Variants in LRGUK observed in about 807,000 individuals in gnomAD.
LRGUK encodes the protein leucine rich repeats and guanylate kinase domain containing.
LRGUK carries 65 observed loss-of-function variants against 76.0 expected under a neutral mutation model. That is an observed-to-expected ratio of 0.85 (90% CI 0.70 to 1.05). The LOEUF (loss-of-function observed/expected upper bound fraction) is 1.05, where lower values mean the gene tolerates loss of function less well. Among genes scored for constraint, LRGUK ranks in the 50% least tolerant of loss-of-function variants. The pLI, the probability that LRGUK is intolerant of heterozygous loss-of-function variation, is 0.00. For synonymous variants in LRGUK, 268 were observed against 265.6 expected (o/e 1.01, Z -0.09); for missense variants, 758 against 732.8 (o/e 1.03, Z -0.40).
intron 10 of LRGUK, 58 bp from the exon 11 acceptor site, chr7:134,183,676 G>GTTAA: frequency 6.2e-7 from 1 of 1,604,218 alleles, no homozygotes; most frequent in Admixed American, 1.7e-5. Context: ...AATGGATGTA[G>GTTAA]TTAATGTGCT....
chr7:134,240,042 C>T (rs1022361472), intron 16 of LRGUK, among the ~76,000 whole-genome samples: 1 of 152,188 alleles, frequency 6.6e-6, no homozygotes, highest in Non-Finnish European at 1.5e-5. Flanking sequence ...ACCAAAACCC[C>T]ATCTGTATGT....
chr7:134,251,199 A>G (rs1802436589), intron 18 of LRGUK, among the ~76,000 whole-genome samples: 1 of 152,170 alleles, frequency 6.6e-6, no homozygotes, highest in African/African-American at 2.4e-5. Flanking sequence ...TAATTTGTTA[A>G]GATGAGGTCA....
intron 3 of LRGUK, among the ~76,000 whole-genome samples, chr7:134,142,109 C>T (rs933597065): frequency 6.6e-6 from 1 of 152,182 alleles, no homozygotes; most frequent in South Asian, 2.1e-4. Context: ...AAGCACTTCG[C>T]TTGGCTTCGG....
downstream of LRGUK, among the ~76,000 whole-genome samples, chr7:134,269,107 C>G (rs1296204183): frequency 1.3e-5 from 2 of 152,012 alleles, no homozygotes; most frequent in Non-Finnish European, 2.9e-5. Context: ...ACCAGTTGTA[C>G]AAAGAGCTAC....
At chr7:134,160,077 G>A (rs1798657126) in intron 6 of LRGUK, among the ~76,000 whole-genome samples, 1 of 152,216 alleles carries the variant, frequency 6.6e-6, no homozygotes, top group Non-Finnish European at 1.5e-5. Context: ...TTTGTGGTCT[G>A]TTAGAATCTT....
intron 7 of LRGUK, among the ~76,000 whole-genome samples, chr7:134,169,038 G>C (rs1442256736): frequency 6.6e-6 from 1 of 151,980 alleles, no homozygotes. Flanking sequence ...AGGGGTGTTT[G>C]CAGATGTAAT....
At chr7:134,237,044 CTCTT>C (rs1802031871) in intron 16 of LRGUK, among the ~76,000 whole-genome samples, 1 of 120,832 alleles carries the variant, frequency 8.3e-6, no homozygotes, top group Non-Finnish European at 1.6e-5. Context: ...AAATGCTTTT[CTCTT>C]TCTTTTTTTT....
intron 7 of LRGUK, among the ~76,000 whole-genome samples, chr7:134,165,858 T>A (rs1354896039): frequency 6.6e-6 from 1 of 152,168 alleles, no homozygotes; most frequent in South Asian, 2.1e-4. Flanking sequence ...CAAATTGTAT[T>A]TGACAAACTT....
downstream of LRGUK, among the ~76,000 whole-genome samples, chr7:134,269,432 A>T (rs999650531): frequency 4.0e-5 from 6 of 148,306 alleles, no homozygotes; most frequent in African/African-American, 1.5e-4. Context: ...AGCTTGCTAC[A>T]GCCTTGACCT....
At chr7:134,185,266 A>G (rs2117028527) in intron 11 of LRGUK, among the ~76,000 whole-genome samples, 1 of 152,338 alleles carries the variant, frequency 6.6e-6, no homozygotes, top group African/African-American at 2.4e-5. Context: ...CTGAGTTTAA[A>G]GAGTTTTTTA....
At chr7:134,200,315 G>T (rs1800714938) in intron 14 of LRGUK, among the ~76,000 whole-genome samples, 1 of 151,796 alleles carries the variant, frequency 6.6e-6, no homozygotes, top group Non-Finnish European at 1.5e-5. Context: ...GGGATTACAG[G>T]CGTGAGCCAC....
rs556464458 is a variant in LRGUK, at chr7:134,255,769, T to G, written c.2199-2488T>G. ...TTCGCCTACATTTATACCTGTTTTA[T>G]TTTCTTTTTTGACACTTGCTGTTAA... On this transcript the variant is annotated intron_variant, in intron 18 of 19. Coordinates refer to the LRGUK transcript ENST00000285928. Among the ~76,000 whole-genome samples the G allele has an allele frequency of 2.6e-5, 4 of 152,240 alleles. No homozygotes were observed. In the South Asian group the frequency reaches 6.2e-4, roughly 24 times the overall value.
chr7:134,269,089 C>G (rs933718534), downstream of LRGUK, among the ~76,000 whole-genome samples: 1 of 152,002 alleles, frequency 6.6e-6, no homozygotes, highest in African/African-American at 2.4e-5. Context: ...GATTCACAGC[C>G]AAATTCTACC....
chr7:134,127,774 C>G lies in LRGUK; in HGVS notation c.297+110C>G. 3 of 1,269,294 alleles carry G rather than the reference C, an allele frequency of 2.4e-6. No homozygotes were observed. The South Asian group carries it at 4.7e-5, about 20-fold the overall frequency. The allele number at this position is 1,269,294 out of a possible 1,614,324, so 78.6% of individuals were successfully genotyped here. A position where few individuals can be genotyped will look rare whatever the true frequency, so the allele number is the denominator to read the frequency against. ...CAGCCCGAAGCTTCCCACACCTTCT[C>G]AGGCTCTCTCGCCTCCAGGAACGCC... On this transcript the variant is annotated intron_variant, in intron 1 of 15. Transcript: ENST00000645682.
intron 15 of LRGUK, among the ~76,000 whole-genome samples, chr7:134,218,648 A>G (rs1243106168): frequency 6.6e-6 from 1 of 152,212 alleles, no homozygotes; most frequent in Non-Finnish European, 1.5e-5. Context: ...TCCTTTTTGC[A>G]GTAAATGGCC....
At chr7:134,247,602 T>C (rs1168416438) in exon 17 of LRGUK, 2 of 1,613,894 alleles carry the variant, frequency 1.2e-6, no homozygotes, top group Non-Finnish European at 1.7e-6. Flanking sequence ...CGGCAAGCTC[T>C]AATGGGAAGG....
intron 16 of LRGUK, among the ~76,000 whole-genome samples, chr7:134,241,703 A>C (rs1585593348): frequency 6.6e-6 from 1 of 152,310 alleles, no homozygotes; most frequent in African/African-American, 2.4e-5. Flanking sequence ...CACCAAGCAG[A>C]CCTAAGAGAC....
chr7:134,177,177 T>C, intron 9 of LRGUK, 114 bp downstream of exon 9: 1 of 622,348 alleles, frequency 1.6e-6, no homozygotes, highest in South Asian at 2.0e-5. Flanking sequence ...TAACAATATG[T>C]ACATTAATTC....
At chr7:134,188,833 A>G (rs1043797459) in intron 11 of LRGUK, among the ~76,000 whole-genome samples, 6 of 152,190 alleles carry the variant, frequency 3.9e-5, no homozygotes, top group Non-Finnish European at 7.3e-5. Context: ...AATATTTGCA[A>G]TAACAAGTTC....
Sources: gnomAD v4.1 joint callset for allele counts (sites outside exome capture counted in the v4.1 genomes callset) on GRCh38, gnomAD v4.1.1 for gene constraint, MANE v1.5 for transcripts, NCBI Gene and HGNC (gene_info 2026-07-23, HGNC 2026-07-21) for gene names.